Variants in SNX29 observed in about 807,000 individuals in gnomAD.
The protein encoded by SNX29 is sorting nexin-29.
A neutral mutation model predicts 102.1 loss-of-function variants in SNX29; 78 were observed. The observed-to-expected ratio is 0.76, with a 90% CI of 0.64 to 0.92. The LOEUF is 0.92. Ranked by LOEUF, SNX29 falls within the 40% of genes least tolerant of loss-of-function variation. SNX29 has a pLI of 0.00. For synonymous variants in SNX29, 580 were observed against 414.5 expected (o/e 1.40, Z -4.85); for missense variants, 1,280 against 1,061.7 (o/e 1.21, Z -2.86).
intron 1 of SNX29, among the ~76,000 whole-genome samples, chr16:11,996,232 A>T (rs2056068055): frequency 6.6e-6 from 1 of 151,818 alleles, no homozygotes; most frequent in Non-Finnish European, 1.5e-5. Context: ...AAAAATAAAT[A>T]AATTATCTGT....
chr16:11,978,108 T>A (rs948362149), intron 1 of SNX29, among the ~76,000 whole-genome samples: 1 of 152,182 alleles, frequency 6.6e-6, no homozygotes, highest in African/African-American at 2.4e-5. Flanking sequence ...GTGCCTTTTG[T>A]TTTTGTTATT....
At chr16:12,525,885 G>A (rs114369889) in intron 20 of SNX29, among the ~76,000 whole-genome samples, 6,203 of 152,116 alleles carry the variant, frequency 0.041, 420 homozygotes, top group African/African-American at 0.14. Context: ...GCTGGGAAAC[G>A]TCAGGCTGTC....
intron 14 of SNX29, among the ~76,000 whole-genome samples, chr16:12,203,553 G>C (rs2076971576): frequency 6.6e-6 from 1 of 151,930 alleles, no homozygotes; most frequent in Admixed American, 6.6e-5. Flanking sequence ...CATTGGAGGT[G>C]ACGTCTCTGA....
chr16:12,068,255 T>C (rs563094814), intron 9 of SNX29, among the ~76,000 whole-genome samples: 118 of 152,032 alleles, frequency 7.8e-4, no homozygotes, highest in African/African-American at 2.5e-3. Flanking sequence ...GGCGGAAGGA[T>C]TGCTTGAGCC....
At chr16:12,129,134 A>G (rs1161289436) in intron 12 of SNX29, among the ~76,000 whole-genome samples, 1 of 152,242 alleles carries the variant, frequency 6.6e-6, no homozygotes, top group African/African-American at 2.4e-5. Context: ...AGTGTGTTTT[A>G]TAGGCACAGG....
At chr16:12,537,572 C>A (rs971964145) in intron 20 of SNX29, among the ~76,000 whole-genome samples, 1 of 152,156 alleles carries the variant, frequency 6.6e-6, no homozygotes, top group African/African-American at 2.4e-5. Context: ...GCAATTTTGA[C>A]TTTGTTTTTA....
At chr16:12,327,017 G>A (rs1383330445) in intron 15 of SNX29, among the ~76,000 whole-genome samples, 1 of 152,216 alleles carries the variant, frequency 6.6e-6, no homozygotes, top group African/African-American at 2.4e-5. Flanking sequence ...CGATGGGGCT[G>A]ATGGGCTGCT....
intron 15 of SNX29, among the ~76,000 whole-genome samples, chr16:12,300,023 A>C (rs2080114491): frequency 6.6e-6 from 1 of 152,082 alleles, no homozygotes; most frequent in South Asian, 2.1e-4. Flanking sequence ...GGTGCCTGCC[A>C]CCACGCCTGG....
intron 15 of SNX29, among the ~76,000 whole-genome samples, chr16:12,318,362 C>A (rs1415257164): frequency 6.6e-6 from 1 of 152,198 alleles, no homozygotes; most frequent in Non-Finnish European, 1.5e-5. Flanking sequence ...TGCCTTCTTG[C>A]TGATGCATCG....
intron 19 of SNX29, among the ~76,000 whole-genome samples, chr16:12,520,164 T>C (rs2090043358): frequency 6.6e-6 from 1 of 152,022 alleles, no homozygotes; most frequent in Non-Finnish European, 1.5e-5. Flanking sequence ...ACCTCTAGGG[T>C]CAGAGTGAGA....
chr16:12,088,473 T>C (rs2052327952), intron 11 of SNX29, among the ~76,000 whole-genome samples: 1 of 152,162 alleles, frequency 6.6e-6, no homozygotes, highest in Non-Finnish European at 1.5e-5. Context: ...CCCTCATTTA[T>C]ATGGGAAGGC....
At chr16:12,556,762 G>C (rs1392524528) in intron 20 of SNX29, among the ~76,000 whole-genome samples, 3 of 152,160 alleles carry the variant, frequency 2.0e-5, no homozygotes, top group East Asian at 3.9e-4. Flanking sequence ...GGCACCCCCA[G>C]AGTTCTGGTT....
chr16:12,544,729 C>G (rs910877784), intron 20 of SNX29, among the ~76,000 whole-genome samples: 4 of 152,116 alleles, frequency 2.6e-5, no homozygotes, highest in African/African-American at 7.2e-5. Context: ...GAGGGGAAAC[C>G]TCGGCCCAGA....
At chr16:12,016,954 C>G (rs563492754) in intron 3 of SNX29, among the ~76,000 whole-genome samples, 1 of 151,724 alleles carries the variant, frequency 6.6e-6, no homozygotes, top group Non-Finnish European at 1.5e-5. Flanking sequence ...TAGTGAGACC[C>G]CTGTCTTTAC....
intron 20 of SNX29, among the ~76,000 whole-genome samples, chr16:12,558,304 CT>C (rs1044337346): frequency 1.3e-5 from 2 of 152,112 alleles, no homozygotes; most frequent in African/African-American, 4.8e-5. Context: ...GAGATGGCCC[CT>C]GGTCACCTCA....
At chr16:12,210,814 G>T (rs916475210) in intron 14 of SNX29, among the ~76,000 whole-genome samples, 1 of 151,344 alleles carries the variant, frequency 6.6e-6, no homozygotes, top group South Asian at 2.1e-4. Context: ...ACTCTGCTCC[G>T]GTCTATTTTG....
chr16:12,079,833 C>T (rs1158629823), intron 11 of SNX29, among the ~76,000 whole-genome samples: 4 of 152,210 alleles, frequency 2.6e-5, no homozygotes, highest in Non-Finnish European at 5.9e-5. Context: ...ATTTCATTCT[C>T]ATTCCAGGCG....
intron 3 of SNX29, among the ~76,000 whole-genome samples, chr16:12,007,993 G>A (rs1488645039): frequency 2.0e-5 from 3 of 152,110 alleles, no homozygotes; most frequent in African/African-American, 7.2e-5. Flanking sequence ...ACCCAGGCCG[G>A]AGTGCAGTGG....
At chr16:12,198,518 A>G (rs1480376801) in intron 13 of SNX29, among the ~76,000 whole-genome samples, 1 of 152,214 alleles carries the variant, frequency 6.6e-6, no homozygotes, top group Non-Finnish European at 1.5e-5. Context: ...CAAGGAAAGA[A>G]AAAATATTCT....
Sources: allele counts gnomAD v4.1 joint callset (sites outside exome capture counted in the v4.1 genomes callset), GRCh38; gene constraint gnomAD v4.1.1; transcripts MANE v1.5; gene names NCBI Gene and HGNC (gene_info 2026-07-23, HGNC 2026-07-21).